ROBO2: variants seen among roughly 807,000 people sequenced by gnomAD.
ROBO2 encodes the protein roundabout homolog 2.
Under a neutral mutation model 160.8 loss-of-function variants are expected in ROBO2, and 53 were observed. That is an observed-to-expected ratio of 0.33 (90% CI 0.26 to 0.41). The LOEUF is 0.41. Among genes scored for constraint, ROBO2 ranks in the 10% least tolerant of loss-of-function variants. The probability of loss-of-function intolerance (pLI) is 1.00; values close to 1 mark genes in which losing one functional copy is unlikely to be tolerated. For synonymous variants in ROBO2, 664 were observed against 611.7 expected, an observed-to-expected ratio of 1.09 and a Z score of -1.26; for missense variants, 1,577 against 1,722.4, an observed-to-expected ratio of 0.92 and a Z score of 1.49.
intron 2 of ROBO2, among the ~76,000 whole-genome samples, chr3:77,437,680 A>G (rs1460894368): frequency 6.6e-6 from 1 of 152,012 alleles, no homozygotes; most frequent in Non-Finnish European, 1.5e-5. Context: ...CAGATAAGTG[A>G]GAGAATTTGA....
At chr3:76,680,805 T>C (rs1041104255) in intron 2 of ROBO2, among the ~76,000 whole-genome samples, 5 of 152,264 alleles carry the variant, frequency 3.3e-5, no homozygotes, top group African/African-American at 1.2e-4. Context: ...AGACAGGGTC[T>C]CACTCTTGTC....
chr3:77,452,249 C>T (rs748132756), intron 2 of ROBO2, among the ~76,000 whole-genome samples: 1 of 152,130 alleles, frequency 6.6e-6, no homozygotes, highest in Non-Finnish European at 1.5e-5. Context: ...ACTCATTCAT[C>T]GTGAGCAGAA....
At chr3:76,686,553 A>G (rs931308426) in intron 2 of ROBO2, among the ~76,000 whole-genome samples, 1 of 152,136 alleles carries the variant, frequency 6.6e-6, no homozygotes, top group Non-Finnish European at 1.5e-5. Context: ...TTGAGAGTCT[A>G]TGTAATCCCC....
At chr3:77,081,615 A>C (rs2068667085) in intron 1 of ROBO2, among the ~76,000 whole-genome samples, 1 of 152,210 alleles carries the variant, frequency 6.6e-6, no homozygotes, top group African/African-American at 2.4e-5. Context: ...GTGTGTGAGC[A>C]CGAAGAATTT....
At chr3:76,491,677 A>G (rs2079832532) in intron 2 of ROBO2, among the ~76,000 whole-genome samples, 1 of 152,228 alleles carries the variant, frequency 6.6e-6, no homozygotes, top group Admixed American at 6.5e-5. Flanking sequence ...TGCATTCATT[A>G]CAGTCAAACA....
intron 2 of ROBO2, among the ~76,000 whole-genome samples, chr3:76,018,064 G>A (rs565351059): frequency 1.8e-4 from 28 of 152,080 alleles, no homozygotes; most frequent in African/African-American, 6.7e-4. Flanking sequence ...AGATGCATAG[G>A]AAAATTCAGG....
At chr3:77,433,052 C>T (rs766151670) in intron 2 of ROBO2, among the ~76,000 whole-genome samples, 3 of 152,208 alleles carry the variant, frequency 2.0e-5, no homozygotes, top group East Asian at 3.9e-4. Context: ...TGACAATTGT[C>T]GGACTAGTGA....
chr3:77,249,284 C>T (rs989372538), intron 2 of ROBO2, among the ~76,000 whole-genome samples: 1 of 152,154 alleles, frequency 6.6e-6, no homozygotes. Context: ...TTTGTCTTCT[C>T]TGTATATATA....
At chr3:76,549,692 A>C (rs1211081396) in intron 2 of ROBO2, among the ~76,000 whole-genome samples, 1 of 152,126 alleles carries the variant, frequency 6.6e-6, no homozygotes, top group African/African-American at 2.4e-5. Context: ...GGGATAGTGG[A>C]TTCAGTTTCT....
intron 2 of ROBO2, among the ~76,000 whole-genome samples, chr3:76,719,144 C>A (rs148110662): frequency 6.6e-6 from 1 of 152,032 alleles, no homozygotes; most frequent in African/African-American, 2.4e-5. Flanking sequence ...ATATTGGTTG[C>A]TAAGGTTTTG....
chr3:76,600,503 G>T (rs1244634230), intron 2 of ROBO2, among the ~76,000 whole-genome samples: 1 of 152,112 alleles, frequency 6.6e-6, no homozygotes, highest in Non-Finnish European at 1.5e-5. Context: ...TCACAGTCAT[G>T]GCCAAAGGTA....
rs75265421 is a variant in ROBO2, at chr3:76,706,928, C to G, written c.110-391086C>G. On this transcript the variant is annotated intron_variant, in intron 2 of 26. Coordinates refer to the ROBO2 transcript ENST00000487694. ...ATAAGTTAATTATTAGAGGTAGGAA[C>G]AGATGTCTATGGGAGAATAGAGGAT... Among the ~76,000 whole-genome samples, 246 of 152,064 alleles carry G rather than the reference C, an allele frequency of 1.6e-3. 1 individual carries two copies. The highest frequency in any genetic ancestry group is 5.3e-3 in the African/African-American group (218 of 41,510).
At chr3:76,781,899 T>A (rs976628872) in intron 2 of ROBO2, among the ~76,000 whole-genome samples, 3 of 150,780 alleles carry the variant, frequency 2.0e-5, no homozygotes, top group Non-Finnish European at 4.5e-5. Context: ...TAAATGTTTC[T>A]TCCTCTTCAA....
At chr3:77,499,658 T>C (rs1007326787) in intron 5 of ROBO2, among the ~76,000 whole-genome samples, 1 of 150,472 alleles carries the variant, frequency 6.6e-6, no homozygotes, top group Non-Finnish European at 1.5e-5. Context: ...ACGCTTTTTT[T>C]TTTTTTTTTT....
At chr3:76,124,227 T>A (rs948214853) in intron 2 of ROBO2, among the ~76,000 whole-genome samples, 6 of 152,148 alleles carry the variant, frequency 3.9e-5, no homozygotes, top group Admixed American at 1.3e-4. Flanking sequence ...TTTGAATAGC[T>A]TATTTCTGTC....
chr3:76,693,432 C>A (rs965732997), intron 2 of ROBO2, among the ~76,000 whole-genome samples: 4 of 142,420 alleles, frequency 2.8e-5, no homozygotes, highest in Admixed American at 2.8e-4. Flanking sequence ...CATATAGATA[C>A]ACACTCTATA....
chr3:77,501,359 C>G (rs1389321603), intron 5 of ROBO2, among the ~76,000 whole-genome samples: 1 of 151,974 alleles, frequency 6.6e-6, no homozygotes, highest in Non-Finnish European at 1.5e-5. Flanking sequence ...CTTGTGTGCA[C>G]AAGACAATTT....
At chr3:76,222,885 G>C (rs1446581028) in intron 2 of ROBO2, among the ~76,000 whole-genome samples, 1 of 151,920 alleles carries the variant, frequency 6.6e-6, no homozygotes, top group East Asian at 2.0e-4. Flanking sequence ...CTTCCGAGTA[G>C]CTGGGACTGC....
At chr3:76,947,459 A>G (rs1198823579) in intron 2 of ROBO2, among the ~76,000 whole-genome samples, 5 of 152,182 alleles carry the variant, frequency 3.3e-5, no homozygotes, top group African/African-American at 1.2e-4. Context: ...ATGTTTCAGT[A>G]CATGTCATCA....
Sources: gnomAD v4.1 joint callset for allele counts (sites outside exome capture counted in the v4.1 genomes callset) on GRCh38, gnomAD v4.1.1 for gene constraint, MANE v1.5 for transcripts, NCBI Gene and HGNC (gene_info 2026-07-23, HGNC 2026-07-21) for gene names.